PCDH7: variants seen among roughly 807,000 people sequenced by gnomAD.
PCDH7 encodes protocadherin-7.
A neutral mutation model predicts 58.9 loss-of-function variants in PCDH7; 17 were observed. The ratio of observed to expected loss-of-function variants is 0.29; its 90% CI spans 0.20 to 0.43. The LOEUF (loss-of-function observed/expected upper bound fraction) is 0.43. PCDH7 is among the 20% of genes least tolerant of loss of function. The pLI is 1.00. For missense variants in PCDH7, 1,274 were observed against 1,441.0 expected, an observed-to-expected ratio of 0.88 and a Z score of 1.88; for synonymous variants, 664 against 616.4, an observed-to-expected ratio of 1.08 and a Z score of -1.14.
intron 1 of PCDH7, among the ~76,000 whole-genome samples, chr4:30,879,419 G>A (rs1342517676): frequency 6.6e-6 from 1 of 151,964 alleles, no homozygotes; most frequent in Non-Finnish European, 1.5e-5. Context: ...TTTTAGAACC[G>A]TGATCACACA....
intron 3 of PCDH7, among the ~76,000 whole-genome samples, chr4:31,012,779 G>A (rs1753291817): frequency 6.6e-6 from 1 of 150,630 alleles, no homozygotes; most frequent in Non-Finnish European, 1.5e-5. Flanking sequence ...CTAGGCAGGA[G>A]AATTGCTTGA....
At chr4:31,126,126 CTTTTTTTT>C (rs555596051) in intron 3 of PCDH7, among the ~76,000 whole-genome samples, 1 of 128,352 alleles carries the variant, frequency 7.8e-6, no homozygotes, top group Non-Finnish European at 1.7e-5. Flanking sequence ...CATATCCTTT[CTTTTTTTT>C]TTTTTTTTTT....
chr4:30,884,350 G>C (rs61794485), intron 1 of PCDH7: 1 of 151,696 alleles, frequency 6.6e-6, no homozygotes, highest in Admixed American at 6.6e-5. Flanking sequence ...GCGTGTTGAC[G>C]GTGAAGCTGG....
chr4:30,885,524 C>G (rs6856866), intron 1 of PCDH7, among the ~76,000 whole-genome samples: 55,116 of 151,536 alleles, frequency 0.36, 10,333 homozygotes, highest in African/African-American at 0.42. Flanking sequence ...TACTGTCTCT[C>G]TGTGTGTGTG....
chr4:30,802,800 A>G (rs1245153763), intron 1 of PCDH7, among the ~76,000 whole-genome samples: 2 of 152,232 alleles, frequency 1.3e-5, no homozygotes, highest in African/African-American at 4.8e-5. Context: ...AATGAGTAAT[A>G]GGGCTGCTGA....
rs530720374 is a variant in PCDH7 at position 30,750,990 on chromosome 4, G to A, written c.70+26394G>A. On this transcript the variant is annotated intron_variant, in intron 1 of 3. Transcript: ENST00000509759. ...GGTGCAGGGAAGGAAAAAAACGCAA[G>A]ACTAAAAATTGTCCTGTGTTATGGT... 1.4e-4 allele frequency among the ~76,000 whole-genome samples: 22 copies of A among 152,012 alleles called. 1 individual carries two copies. The highest frequency in any genetic ancestry group is 5.3e-4 in the African/African-American group (22 of 41,460).
chr4:30,731,079 A>T, exon 2 of PCDH7: 1 of 1,115,900 alleles, frequency 9.0e-7, no homozygotes, highest in Non-Finnish European at 1.1e-6. Flanking sequence ...CGTAACAGTG[A>T]TGTCTTTTAA....
intron 1 of PCDH7, among the ~76,000 whole-genome samples, chr4:30,839,167 G>A (rs1161321446): frequency 1.3e-5 from 2 of 151,692 alleles, no homozygotes; most frequent in East Asian, 1.9e-4. Flanking sequence ...TATGTATTAT[G>A]TAGTATACTC....
chr4:30,894,603 A>T (rs1454896914), intron 1 of PCDH7, among the ~76,000 whole-genome samples: 1 of 144,800 alleles, frequency 6.9e-6, no homozygotes, highest in Non-Finnish European at 1.5e-5. Flanking sequence ...ACACATATAT[A>T]TATATATATA....
chr4:30,790,285 G>A (rs539846624), intron 1 of PCDH7, among the ~76,000 whole-genome samples: 3 of 152,276 alleles, frequency 2.0e-5, no homozygotes, highest in South Asian at 2.1e-4. Context: ...TCCTGAAGAA[G>A]ATACTATTAT....
chr4:30,965,051 G>A (rs976638893), intron 3 of PCDH7, among the ~76,000 whole-genome samples: 3 of 152,120 alleles, frequency 2.0e-5, no homozygotes, highest in African/African-American at 7.2e-5. Flanking sequence ...ATGAATATAT[G>A]TTAATTAGCT....
chr4:30,953,190 A>G (rs1747533383), intron 3 of PCDH7, among the ~76,000 whole-genome samples: 1 of 152,156 alleles, frequency 6.6e-6, no homozygotes, highest in Non-Finnish European at 1.5e-5. Flanking sequence ...ATTTTGGGAC[A>G]TCTTTAACTT....
chr4:30,757,197 A>G (rs1218494801), intron 1 of PCDH7, among the ~76,000 whole-genome samples: 1 of 152,202 alleles, frequency 6.6e-6, no homozygotes, highest in Non-Finnish European at 1.5e-5. Context: ...GTGCAAAGTC[A>G]AACTCACTAT....
intron 1 of PCDH7, among the ~76,000 whole-genome samples, chr4:30,912,240 A>G (rs2109406289): frequency 6.6e-6 from 1 of 152,290 alleles, no homozygotes; most frequent in Admixed American, 6.5e-5. Flanking sequence ...TTTGTTTCAG[A>G]GTTCTGCCAG....
intron 1 of PCDH7, among the ~76,000 whole-genome samples, chr4:30,811,963 T>C (rs1727082545): frequency 6.6e-6 from 1 of 152,138 alleles, no homozygotes; most frequent in Admixed American, 6.6e-5. Context: ...AAGTATAGGA[T>C]GAGTTAATTC....
At chr4:30,953,473 C>G (rs1284377093) in intron 3 of PCDH7, among the ~76,000 whole-genome samples, 1 of 151,420 alleles carries the variant, frequency 6.6e-6, no homozygotes, top group Non-Finnish European at 1.5e-5. Context: ...AATGGTCTTG[C>G]CTAAAACAAG....
At chr4:30,754,161 GGTGTGTGTGTGT>G (rs137965585) in intron 1 of PCDH7, among the ~76,000 whole-genome samples, 2 of 138,580 alleles carry the variant, frequency 1.4e-5, no homozygotes, top group Admixed American at 7.1e-5. Context: ...GCAAACACTA[GGTGTGTGTGTGT>G]GTGTGTGTGT....
chr4:30,756,916 C>T (rs560348986), intron 1 of PCDH7, among the ~76,000 whole-genome samples: 18 of 152,344 alleles, frequency 1.2e-4, no homozygotes, highest in African/African-American at 3.4e-4. Flanking sequence ...TAAGTCTCCT[C>T]TGACTGAGAG....
chr4:30,908,009 A>T (rs1053401851), intron 1 of PCDH7, among the ~76,000 whole-genome samples: 3 of 152,162 alleles, frequency 2.0e-5, no homozygotes, highest in Non-Finnish European at 4.4e-5. Context: ...ACAGAAAACC[A>T]TTCACTGCAT....
Sources: gnomAD v4.1 joint callset for allele counts (sites outside exome capture counted in the v4.1 genomes callset) on GRCh38, gnomAD v4.1.1 for gene constraint, MANE v1.5 for transcripts, NCBI Gene and HGNC (gene_info 2026-07-23, HGNC 2026-07-21) for gene names.